Variants in SLC16A5 observed in about 807,000 individuals in gnomAD.
SLC16A5 encodes solute carrier family 16 member 5.
Under a neutral mutation model 33.2 loss-of-function variants are expected in SLC16A5, and 29 were observed. That is an observed-to-expected ratio of 0.87 (90% CI 0.65 to 1.19). The LOEUF (loss-of-function observed/expected upper bound fraction) is 1.19. SLC16A5 is among the 50% of genes most tolerant of loss of function. The pLI is 0.00. For missense variants in SLC16A5, 606 were observed against 678.2 expected (o/e 0.89, Z 1.18); for synonymous variants, 248 against 284.1 (o/e 0.87, Z 1.28).
intron 4 of SLC16A5, among the ~76,000 whole-genome samples, chr17:75,098,425 G>T (rs779943555): frequency 1.3e-5 from 2 of 152,058 alleles, no homozygotes; most frequent in Non-Finnish European, 2.9e-5. Context: ...AATTAGCCAG[G>T]CTTGGTGGCG....
At chr17:75,106,226 C>T, downstream of SLC16A5, 1 of 417,898 alleles carries the variant, frequency 2.4e-6, no homozygotes, top group Middle Eastern at 6.4e-4. Context: ...GGTGAGCATC[C>T]TGACGACTCC....
chr17:75,091,513 C>T (rs918779613), intron 2 of SLC16A5, among the ~76,000 whole-genome samples: 2 of 152,094 alleles, frequency 1.3e-5, no homozygotes, highest in East Asian at 3.9e-4. Flanking sequence ...ATGAATGGGA[C>T]GGTCACCTTG....
At chr17:75,104,578 A>G (rs1262345744) in intron 6 of SLC16A5, 23 of 621,732 alleles carry the variant, frequency 3.7e-5, no homozygotes, top group African/African-American at 2.0e-5. Flanking sequence ...CTGCCCCCCA[A>G]GTAGCTGAGA....
At chr17:75,108,521 ACT>A (rs1356875696), downstream of SLC16A5, among the ~76,000 whole-genome samples, 1 of 151,944 alleles carries the variant, frequency 6.6e-6, no homozygotes, top group Non-Finnish European at 1.5e-5. Flanking sequence ...TGTGACGGCC[ACT>A]CTGCCTTCAT....
chr17:75,108,536 G>A (rs992595464), downstream of SLC16A5, among the ~76,000 whole-genome samples: 4 of 152,122 alleles, frequency 2.6e-5, no homozygotes, highest in Non-Finnish European at 4.4e-5. Flanking sequence ...GCCTTCATCC[G>A]GGCCCAGGGC....
chr17:75,095,941 G>A (rs1364431817), intron 3 of SLC16A5, among the ~76,000 whole-genome samples: 3 of 151,670 alleles, frequency 2.0e-5, no homozygotes, highest in South Asian at 2.1e-4. Context: ...TTACAGGTGT[G>A]AGCCACCACG....
chr17:75,106,151 T>A lies in SLC16A5; in HGVS notation c.*118T>A, dbSNP rs1869854986. 2 of 524,078 alleles carry A rather than the reference T, an allele frequency of 3.8e-6. No homozygotes were observed. Among genetic ancestry groups the A allele is most frequent in the South Asian group, 7.6e-5 (2 of 26,206 alleles). The allele number at this position is 524,078 out of a possible 1,614,324, so 32.5% of individuals were successfully genotyped here. On this transcript the variant is annotated 3_prime_UTR_variant, in exon 7 of 7. Coordinates refer to ENST00000329783, the MANE Select transcript of SLC16A5 (RefSeq NM_004695.4). ...AGAGCAAAATAATAAAATTTAATTTTAAAAAAGAAAACGTAGGAGGTTGGT... is the reference window on the plus strand; with the variant it reads ...AGAGCAAAATAATAAAATTTAATTTAAAAAAAGAAAACGTAGGAGGTTGGT...
At chr17:75,093,902 G>C (rs1555645236) in intron 3 of SLC16A5, 67 bp downstream of exon 3, 3 of 1,555,510 alleles carry the variant, frequency 1.9e-6, no homozygotes, top group Non-Finnish European at 1.7e-6. Flanking sequence ...AACCTCCCTG[G>C]CCTTCTGATT....
rs936562006 is a variant in SLC16A5, at chr17:75,088,575, C to T, written c.-203+531C>T. Among the ~76,000 whole-genome samples, 7 of 152,166 alleles carry T rather than the reference C, an allele frequency of 4.6e-5. No individual in the cohort carries two copies. In the East Asian group the frequency reaches 1.3e-3, roughly 29 times the overall value. On this transcript the variant is annotated intron_variant, in intron 1 of 6. Coordinates refer to ENST00000329783, the MANE Select transcript of SLC16A5 (RefSeq NM_004695.4). The stretch of plus-strand genomic sequence containing the variant: ...CCTCAGCCCCAAGCTCAAGCCTGCC[C>T]TTGCTGCTCTCTGCTGGACGGGAGC...
chr17:75,104,005 G>A lies in SLC16A5; in HGVS notation c.1189G>A (p.Val397Ile). Reference sequence around the variant, plus strand: ...GGACGCCACCAACAACTTTAGCTATGTTTTCTACATGTCCAGCTTCTTCCT... The same window carrying A: ...GGACGCCACCAACAACTTTAGCTATATTTTCTACATGTCCAGCTTCTTCCT... ...LLDATNNFSY[V>I]FYMSSFFLIS... is the part of the protein sequence containing the mutation. Residue 397 changes from valine (V) to isoleucine (I), a missense_variant, in exon 6 of 7, where the codon GTT (valine) becomes ATT (isoleucine). Coordinates refer to ENST00000329783, the MANE Select transcript of SLC16A5 (RefSeq NM_004695.4). The A allele has an allele frequency of 6.2e-7, 1 of 1,614,226 alleles. No individual in the cohort carries two copies.
downstream of SLC16A5, among the ~76,000 whole-genome samples, chr17:75,108,873 G>A (rs138118181): frequency 2.7e-4 from 41 of 152,274 alleles, 1 homozygote; most frequent in African/African-American, 9.6e-4. Flanking sequence ...GGTTTTTGCA[G>A]AGTCTTTGTG....
chr17:75,096,325 A>G (rs2073717427), intron 3 of SLC16A5, among the ~76,000 whole-genome samples: 1 of 149,010 alleles, frequency 6.7e-6, no homozygotes, highest in African/African-American at 2.5e-5. Flanking sequence ...CCTGCAGCCC[A>G]GTCCCCACCC....
In SLC16A5 at chr17:75,104,193, C is replaced by A; in HGVS notation, c.1364+13C>A. On this transcript the variant is annotated intron_variant, in intron 6 of 6. Coordinates refer to ENST00000329783, the MANE Select transcript of SLC16A5 (RefSeq NM_004695.4). ...CCCCTGAGATCATGTATGTAACCAG[C>A]GTCTAAGACCCAGGGTTCATCTGTG... The A allele has an allele frequency of 6.2e-7, 1 of 1,613,182 alleles. No individual in the cohort carries two copies. Among genetic ancestry groups the A allele is most frequent in the Non-Finnish European group, 8.5e-7 (1 of 1,179,678 alleles).
chr17:75,100,019 G>C lies in SLC16A5; in HGVS notation c.356G>C (p.Cys119Ser). The change falls in exon 5 of 7, where the codon TGC becomes TCC. Residue 119 changes from cysteine (C) to serine (S), a missense_variant. Transcript: ENST00000329783. ...TAGFITGLGM[C>S]FSFQSSITVL... is the part of the protein sequence containing the mutation. ...TCTTGCCCCGCAGGCCTGGGCATGT[G>C]CTTCAGCTTCCAGTCAAGCATCACG... 6.2e-7 allele frequency: 1 copy of C among 1,610,790 alleles called. No individual in the cohort carries two copies. The highest frequency in any genetic ancestry group is 8.5e-7 in the Non-Finnish European group (1 of 1,179,498).
downstream of SLC16A5, among the ~76,000 whole-genome samples, chr17:75,107,228 A>G (rs2073870387): frequency 6.6e-6 from 1 of 151,988 alleles, no homozygotes; most frequent in Admixed American, 6.6e-5. Flanking sequence ...TGAGCCAAGA[A>G]GCTCAAGGTT....
At chr17:75,104,408 A>G in intron 6 of SLC16A5, 4 of 1,217,714 alleles carry the variant, frequency 3.3e-6, no homozygotes, top group East Asian at 3.7e-5. Context: ...AGATGCCCTG[A>G]GAAACTCTTT....
At chr17:75,092,096 G>A (rs1442289487) in intron 2 of SLC16A5, among the ~76,000 whole-genome samples, 3 of 152,056 alleles carry the variant, frequency 2.0e-5, no homozygotes, top group South Asian at 2.1e-4. Context: ...GTGTCCGTAT[G>A]TCTGTGTAGC....
chr17:75,095,056 C>T (rs2073698402), intron 3 of SLC16A5, among the ~76,000 whole-genome samples: 1 of 152,218 alleles, frequency 6.6e-6, no homozygotes. Context: ...CCTCTGCAGG[C>T]GTGTGTCTGC....
intron 6 of SLC16A5, 141 bp from the exon 7 acceptor site, chr17:75,105,737 CAG>C: frequency 1.4e-6 from 2 of 1,394,082 alleles, no homozygotes; most frequent in Non-Finnish European, 1.9e-6. Context: ...AGCTGACAAA[CAG>C]AGCTGGAGTA....
Sources: gnomAD v4.1 joint callset for allele counts (sites outside exome capture counted in the v4.1 genomes callset) on GRCh38, gnomAD v4.1.1 for gene constraint, MANE v1.5 for transcripts, NCBI Gene and HGNC (gene_info 2026-07-23, HGNC 2026-07-21) for gene names.